Variants in ARID1B observed in about 807,000 individuals in gnomAD.
The protein encoded by ARID1B is AT-rich interactive domain-containing protein 1B.
ARID1B carries 30 observed loss-of-function variants against 212.3 expected under a neutral mutation model. That is an observed-to-expected ratio of 0.14 (90% CI 0.11 to 0.19). The LOEUF is 0.19. Among genes scored for constraint, ARID1B ranks in the 10% least tolerant of loss-of-function variants. The probability of loss-of-function intolerance (pLI) is 1.00; values close to 1 mark genes in which losing one functional copy is unlikely to be tolerated. For synonymous variants in ARID1B, 1,402 were observed against 1,301.7 expected (o/e 1.08, Z -1.66); for missense variants, 2,891 against 3,204.0 (o/e 0.90, Z 2.36).
At chr6:156,901,828 C>T (rs1788968560) in intron 3 of ARID1B, 1 of 396,784 alleles carries the variant, frequency 2.5e-6, no homozygotes, top group Non-Finnish European at 4.5e-6. Context: ...CAAGAAAGCA[C>T]TCTGCCACTT....
At chr6:156,854,234 C>G (rs886066666) in intron 2 of ARID1B, among the ~76,000 whole-genome samples, 1 of 152,148 alleles carries the variant, frequency 6.6e-6, no homozygotes, top group Non-Finnish European at 1.5e-5. Flanking sequence ...GTTCCTACCC[C>G]CTCCTCTTTC....
chr6:157,179,014 C>G (rs1383049952), intron 11 of ARID1B, among the ~76,000 whole-genome samples: 3 of 152,294 alleles, frequency 2.0e-5, no homozygotes, highest in Non-Finnish European at 4.4e-5. Flanking sequence ...TATCTTTAAA[C>G]TGAATCTCAA....
chr6:157,010,158 G>C (rs1366788597), intron 4 of ARID1B, among the ~76,000 whole-genome samples: 1 of 151,986 alleles, frequency 6.6e-6, no homozygotes, highest in Non-Finnish European at 1.5e-5. Flanking sequence ...TTCACTCAGG[G>C]GTTTTGTTTT....
intron 1 of ARID1B, among the ~76,000 whole-genome samples, chr6:156,799,599 C>G (rs1223216898): frequency 6.6e-6 from 1 of 152,206 alleles, no homozygotes; most frequent in Non-Finnish European, 1.5e-5. Flanking sequence ...GCCTCAGCCT[C>G]CCTTGTAGCT....
intron 2 of ARID1B, among the ~76,000 whole-genome samples, chr6:156,841,577 C>T (rs1414073712): frequency 6.6e-6 from 1 of 152,082 alleles, no homozygotes; most frequent in African/African-American, 2.4e-5. Flanking sequence ...AATCTCTGTG[C>T]CAGGTCTTAT....
At chr6:156,886,388 T>C (rs9397981) in intron 2 of ARID1B, among the ~76,000 whole-genome samples, 42,937 of 152,042 alleles carry the variant, frequency 0.28, 6,220 homozygotes, top group Non-Finnish European at 0.33. Flanking sequence ...CTTAAAGAAA[T>C]GTGTGTGCAT....
At chr6:156,981,066 T>C (rs1777573088) in intron 4 of ARID1B, among the ~76,000 whole-genome samples, 1 of 152,222 alleles carries the variant, frequency 6.6e-6, no homozygotes, top group Non-Finnish European at 1.5e-5. Context: ...TAGCAAAAAC[T>C]GGAAAGGTAT....
rs1562494790 is a variant in ARID1B, at chr6:156,934,940, AT to A, written c.2137-525del. On this transcript the variant is annotated intron_variant, in intron 3 of 19. Transcript: ENST00000636930. ...TATATATATATATATATATATATAT[AT>A]ATATATATATATATATATATAGTTT... 2.2e-3 allele frequency among the ~76,000 whole-genome samples: 200 copies of A among 92,386 alleles called. 5 individuals are homozygous for A. Among genetic ancestry groups the A allele is most frequent in the African/African-American group, 7.4e-3 (189 of 25,386 alleles). 60.6% of individuals were successfully genotyped at this position (92,386 alleles called of 152,430 possible).
chr6:157,082,625 A>C (rs1784711847), intron 4 of ARID1B, among the ~76,000 whole-genome samples: 3 of 152,180 alleles, frequency 2.0e-5, no homozygotes, highest in Non-Finnish European at 4.4e-5. Context: ...CTTGTAGCTC[A>C]CTGTAGCCTT....
At chr6:157,034,940 A>G (rs1651700517) in intron 4 of ARID1B, among the ~76,000 whole-genome samples, 3 of 152,206 alleles carry the variant, frequency 2.0e-5, no homozygotes, top group Admixed American at 2.0e-4. Context: ...AAGAGTTTCA[A>G]AACAATTCCC....
intron 1 of ARID1B, among the ~76,000 whole-genome samples, chr6:156,827,714 TC>T (rs894554611): frequency 2.7e-5 from 4 of 145,900 alleles, no homozygotes; most frequent in African/African-American, 7.4e-5. Flanking sequence ...TGCTGTTCCC[TC>T]CCACCTTGGA....
At chr6:156,816,859 G>A (rs948151072) in intron 1 of ARID1B, among the ~76,000 whole-genome samples, 8 of 151,976 alleles carry the variant, frequency 5.3e-5, no homozygotes, top group Admixed American at 2.0e-4. Context: ...TGGATTTTTC[G>A]GACCCCTTTA....
intron 4 of ARID1B, among the ~76,000 whole-genome samples, chr6:157,047,173 G>C (rs953230569): frequency 6.6e-6 from 1 of 152,154 alleles, no homozygotes. Context: ...GCTTTCAATA[G>C]TGAAAACGGT....
Position 156,778,645 on chromosome 6 carries a change from C to A in ARID1B, c.965C>A (p.Pro322His). 2 of 1,478,004 alleles carry A rather than the reference C, an allele frequency of 1.4e-6. No individual in the cohort carries two copies. The highest frequency in any genetic ancestry group is 1.8e-6 in the Non-Finnish European group (2 of 1,110,658). The allele number at this position is 1,478,004 out of a possible 1,614,324, so 91.6% of individuals were successfully genotyped here. ...EFNNYYGSAA[P>H]ASGGPGGRAG... ...AATAATTACTATGGCAGCGCTGCCC[C>A]TGCGAGCGGCGGCCCCGGCGGCCGC... Residue 322 changes from proline to histidine, a missense_variant, in exon 1 of 20, where the codon CCT becomes CAT. Transcript: ENST00000636930.
chr6:156,919,707 C>A (rs1210139648), intron 3 of ARID1B, among the ~76,000 whole-genome samples: 1 of 152,248 alleles, frequency 6.6e-6, no homozygotes, highest in African/African-American at 2.4e-5. Flanking sequence ...TAGCGGACAT[C>A]TGTAGCTCCA....
chr6:157,078,280 C>T (rs1784429889), intron 4 of ARID1B, among the ~76,000 whole-genome samples: 2 of 152,090 alleles, frequency 1.3e-5, no homozygotes, highest in African/African-American at 4.8e-5. Context: ...ATTCTCGTGG[C>T]CATAATCATG....
intron 4 of ARID1B, among the ~76,000 whole-genome samples, chr6:156,966,381 CTTTTCT>C (rs1252674850): frequency 5.6e-5 from 5 of 89,436 alleles, no homozygotes; most frequent in African/African-American, 1.9e-4. Flanking sequence ...CTTTTCTTTT[CTTTTCT>C]TTTTTTTTTT....
At chr6:157,168,519 G>A (rs1791492186) in intron 9 of ARID1B, 1 of 152,102 alleles carries the variant, frequency 6.6e-6, no homozygotes, top group Non-Finnish European at 1.5e-5. Context: ...ACTATGTTTT[G>A]TCTGACTTGC....
chr6:157,091,986 T>C (rs761473161), intron 5 of ARID1B, among the ~76,000 whole-genome samples: 83 of 152,294 alleles, frequency 5.4e-4, no homozygotes, highest in Admixed American at 4.4e-3. Context: ...GTGGAAATCC[T>C]GCAACAGCTT....
Sources: allele counts gnomAD v4.1 joint callset (sites outside exome capture counted in the v4.1 genomes callset), GRCh38; gene constraint gnomAD v4.1.1; transcripts MANE v1.5; gene names NCBI Gene and HGNC (gene_info 2026-07-23, HGNC 2026-07-21).